The following GRIK3 variants were observed in gnomAD, a reference collection of about 807,000 sequenced individuals.
The protein encoded by GRIK3 is glutamate ionotropic receptor kainate type subunit 3.
A neutral mutation model predicts 102.5 loss-of-function variants in GRIK3; 29 were observed. The observed-to-expected ratio is 0.28, with a 90% CI of 0.21 to 0.39. The LOEUF is 0.39. Among genes scored for constraint, GRIK3 ranks in the 10% least tolerant of loss-of-function variants. The pLI is 1.00. For synonymous variants in GRIK3, 511 were observed against 504.9 expected, an observed-to-expected ratio of 1.01 and a Z score of -0.16; for missense variants, 908 against 1,252.4, an observed-to-expected ratio of 0.73 and a Z score of 4.15.
At chr1:36,960,469 G>A (rs1334722114) in intron 1 of GRIK3, among the ~76,000 whole-genome samples, 1 of 152,242 alleles carries the variant, frequency 6.6e-6, no homozygotes, top group Admixed American at 6.5e-5. Context: ...GAAGTTAGAG[G>A]CCAGTGGGGT....
intron 1 of GRIK3, among the ~76,000 whole-genome samples, chr1:36,941,559 G>A (rs1641720002): frequency 6.6e-6 from 1 of 152,074 alleles, no homozygotes; most frequent in African/African-American, 2.4e-5. Flanking sequence ...GGGTGGAGGG[G>A]GGGAGTGCTG....
intron 1 of GRIK3, among the ~76,000 whole-genome samples, chr1:37,019,189 T>C (rs1642684455): frequency 6.6e-6 from 1 of 152,158 alleles, no homozygotes; most frequent in Admixed American, 6.5e-5. Flanking sequence ...CATCCATCCA[T>C]CTAGAAAAGT....
chr1:36,920,558 C>T (rs974079518), intron 1 of GRIK3, among the ~76,000 whole-genome samples: 4 of 152,182 alleles, frequency 2.6e-5, no homozygotes, highest in African/African-American at 9.7e-5. Flanking sequence ...GCACCTGCTT[C>T]CCATGCCCCA....
chr1:36,965,570 C>A (rs1642069971), intron 1 of GRIK3, among the ~76,000 whole-genome samples: 1 of 151,988 alleles, frequency 6.6e-6, no homozygotes, highest in Non-Finnish European at 1.5e-5. Context: ...GGAGAGAGGT[C>A]CCAGGGGAAT....
intron 7 of GRIK3, among the ~76,000 whole-genome samples, chr1:36,855,862 C>A (rs1267192766): frequency 6.6e-6 from 1 of 152,226 alleles, no homozygotes; most frequent in South Asian, 2.1e-4. Context: ...CTCACTGTGA[C>A]CCTGCCAGGT....
chr1:36,931,343 T>A (rs2124313992), intron 1 of GRIK3, among the ~76,000 whole-genome samples: 1 of 152,318 alleles, frequency 6.6e-6, no homozygotes, highest in Admixed American at 6.5e-5. Flanking sequence ...TGGGTCCTCA[T>A]CACTCCAGGT....
At chr1:36,878,002 C>T (rs1004830214) in intron 3 of GRIK3, among the ~76,000 whole-genome samples, 4 of 152,214 alleles carry the variant, frequency 2.6e-5, no homozygotes, top group South Asian at 2.1e-4. Context: ...TTTCTTCACC[C>T]GTATACTCTT....
Position 36,817,095 on chromosome 1 carries a change from C to A in GRIK3, c.2056G>T (p.Ala686Ser), listed in dbSNP as rs771140864. Reference protein sequence around the residue: ...LAKQTKIEYGAVKDGATMTFF... With the variant: ...LAKQTKIEYGSVKDGATMTFF... ...GTCATGGTGGCCCCATCCTTGACAGCCCCATACTCGATTTTGGTTTGCTTG... is the reference window on the plus strand; with the variant it reads ...GTCATGGTGGCCCCATCCTTGACAGACCCATACTCGATTTTGGTTTGCTTG... The change falls in exon 13 of 16, where the codon GCT becomes TCT. Residue 686 changes from alanine to serine, a missense_variant. By Grantham distance (99) the Ala-to-Ser change is moderately conservative. Coordinates refer to ENST00000373091, the MANE Select transcript of GRIK3 (RefSeq NM_000831.4). 1.3e-5 allele frequency: 21 copies of A among 1,613,882 alleles called. No individual in the cohort carries two copies. Among genetic ancestry groups the A allele is most frequent in the Non-Finnish European group, 1.8e-5 (21 of 1,179,898 alleles).
intron 5 of GRIK3, among the ~76,000 whole-genome samples, chr1:36,867,681 G>C (rs1199540004): frequency 2.6e-5 from 4 of 152,110 alleles, no homozygotes; most frequent in African/African-American, 9.6e-5. Flanking sequence ...AGAAAGCCTT[G>C]GGACATTGGG....
At chr1:37,010,594 C>G (rs1642583241) in intron 1 of GRIK3, among the ~76,000 whole-genome samples, 1 of 152,186 alleles carries the variant, frequency 6.6e-6, no homozygotes, top group Non-Finnish European at 1.5e-5. Context: ...AGGATTACCC[C>G]AGCAGTCTCC....
intron 15 of GRIK3, chr1:36,804,663 A>G: frequency 2.1e-6 from 1 of 475,348 alleles, no homozygotes. Flanking sequence ...ATATGGTTTG[A>G]ATTAAGTTTT....
intron 5 of GRIK3, among the ~76,000 whole-genome samples, chr1:36,860,851 GA>G (rs1640715641): frequency 6.6e-6 from 1 of 152,220 alleles, no homozygotes; most frequent in Admixed American, 6.5e-5. Flanking sequence ...AAATCAGGCA[GA>G]AGGGTAGCGG....
At chr1:36,932,354 AC>A (rs1188138611) in intron 1 of GRIK3, among the ~76,000 whole-genome samples, 1 of 152,194 alleles carries the variant, frequency 6.6e-6, no homozygotes, top group Non-Finnish European at 1.5e-5. Flanking sequence ...CAAGCATGCG[AC>A]AGCCACAGTC....
intron 1 of GRIK3, among the ~76,000 whole-genome samples, chr1:36,932,613 C>T (rs182654198): frequency 1.6e-3 from 239 of 152,314 alleles, no homozygotes; most frequent in Middle Eastern, 0.014. Flanking sequence ...CAGCCAGTGG[C>T]ACATCTTCTA....
In GRIK3 at chr1:36,872,941, A is replaced by T. The variant is rs1316897512; in HGVS notation, c.551-572T>A. On this transcript the variant is annotated intron_variant, in intron 3 of 15. Transcript: ENST00000373091. The surrounding 1 kb of genome is among the most constrained non-coding windows in gnomAD (Gnocchi z 5.9). Reference sequence around the variant, plus strand: ...AACCACTGGGCTGGGTAAGGCCAGGAGGTATTTGTGTCTCCGCCCTCGTCC... The same window carrying T: ...AACCACTGGGCTGGGTAAGGCCAGGTGGTATTTGTGTCTCCGCCCTCGTCC... Among the ~76,000 whole-genome samples the T allele has an allele frequency of 6.6e-6, 1 of 152,168 alleles. No homozygotes were observed. Among genetic ancestry groups the T allele is most frequent in the Non-Finnish European group, 1.5e-5 (1 of 68,024 alleles).
intron 1 of GRIK3, among the ~76,000 whole-genome samples, chr1:37,030,380 G>A (rs975964979): frequency 3.3e-5 from 5 of 152,164 alleles, no homozygotes; most frequent in African/African-American, 1.2e-4. Flanking sequence ...AGGCCGGTTT[G>A]GGAACTCTGA....
At position 36,855,290 on chromosome 1, in the gene GRIK3, A is replaced by G. The variant is rs890640325; in HGVS notation, c.1105-1568T>C. On this transcript the variant is annotated intron_variant, in intron 7 of 15. Coordinates refer to ENST00000373091, the MANE Select transcript of GRIK3 (RefSeq NM_000831.4). ...AGCCATGCTCCCTTGCAGATTCTGAATCGGGCTCCACAGCCTCTCCCTGCG... is the reference window on the plus strand; with the variant it reads ...AGCCATGCTCCCTTGCAGATTCTGAGTCGGGCTCCACAGCCTCTCCCTGCG... Among the ~76,000 whole-genome samples the G allele has an allele frequency of 7.2e-5, 11 of 152,156 alleles. 1 individual carries two copies. In the South Asian group the frequency reaches 2.3e-3, roughly 32 times the overall value.
intron 1 of GRIK3, among the ~76,000 whole-genome samples, chr1:36,927,695 T>C (rs922286230): frequency 1.3e-5 from 2 of 152,144 alleles, no homozygotes; most frequent in Non-Finnish European, 2.9e-5. Flanking sequence ...TGTCGGCCAA[T>C]TCATTTCTGT....
At chr1:36,965,590 G>A (rs1037075464) in intron 1 of GRIK3, among the ~76,000 whole-genome samples, 2 of 152,124 alleles carry the variant, frequency 1.3e-5, no homozygotes, top group African/African-American at 4.8e-5. Context: ...TGTGATTTAA[G>A]CCAACCTAAA....
Sources: allele counts gnomAD v4.1 joint callset (sites outside exome capture counted in the v4.1 genomes callset), GRCh38; gene constraint gnomAD v4.1.1; non-coding constraint Gnocchi (gnomAD v3.1); transcripts MANE v1.5; gene names NCBI Gene and HGNC (gene_info 2026-07-23, HGNC 2026-07-21).